OXR1: variants seen among roughly 807,000 people sequenced by gnomAD.
OXR1 encodes oxidation resistance protein 1.
In OXR1, 41 loss-of-function variants were observed where a neutral mutation model predicts 104.6. The observed-to-expected ratio is 0.39, with a 90% CI of 0.31 to 0.51. OXR1 has a LOEUF of 0.51. Among genes scored for constraint, OXR1 ranks in the 20% least tolerant of loss-of-function variants. OXR1 has a pLI of 0.77. For synonymous variants in OXR1, 348 were observed against 348.4 expected, an observed-to-expected ratio of 1.00 and a Z score of 0.01; for missense variants, 955 against 1,031.9, an observed-to-expected ratio of 0.93 and a Z score of 1.02.
intron 1 of OXR1, among the ~76,000 whole-genome samples, chr8:106,299,992 T>C (rs1813163080): frequency 1.3e-5 from 2 of 152,072 alleles, no homozygotes; most frequent in South Asian, 4.1e-4. Flanking sequence ...AGAAGTGGGG[T>C]GAAAGCCTTC....
intron 3 of OXR1, among the ~76,000 whole-genome samples, chr8:106,647,219 C>T (rs536749989): frequency 6.6e-6 from 1 of 152,224 alleles, no homozygotes; most frequent in Admixed American, 6.5e-5. Context: ...AAGAAAATTA[C>T]TTGGTTTTTA....
At chr8:106,341,731 C>G (rs767368467) in intron 1 of OXR1, among the ~76,000 whole-genome samples, 2 of 152,110 alleles carry the variant, frequency 1.3e-5, no homozygotes, top group African/African-American at 4.8e-5. Context: ...ATAAGTACCA[C>G]TGTTTCCCAT....
chr8:106,449,624 T>C (rs1820204116), intron 2 of OXR1, among the ~76,000 whole-genome samples: 1 of 152,080 alleles, frequency 6.6e-6, no homozygotes, highest in Non-Finnish European at 1.5e-5. Flanking sequence ...GATGGTAGAG[T>C]CCACAGAAGC....
At chr8:106,529,223 A>G (rs906079592) in intron 3 of OXR1, among the ~76,000 whole-genome samples, 4 of 152,326 alleles carry the variant, frequency 2.6e-5, no homozygotes, top group Middle Eastern at 3.4e-3. Context: ...GTGGATTAAT[A>G]AGACCATGGG....
chr8:106,517,933 A>T (rs1812967109), intron 2 of OXR1, among the ~76,000 whole-genome samples: 1 of 152,138 alleles, frequency 6.6e-6, no homozygotes. Flanking sequence ...AATAGAAGCT[A>T]ATTGTGGGTT....
At chr8:106,607,340 T>A (rs1028656522) in intron 3 of OXR1, among the ~76,000 whole-genome samples, 1 of 152,236 alleles carries the variant, frequency 6.6e-6, no homozygotes, top group Non-Finnish European at 1.5e-5. Context: ...TTGACATAAG[T>A]TATCCCTTCC....
At chr8:106,741,019 T>C (rs928885600) in intron 14 of OXR1, among the ~76,000 whole-genome samples, 1 of 152,148 alleles carries the variant, frequency 6.6e-6, no homozygotes, top group African/African-American at 2.4e-5. Flanking sequence ...ACTAACACTT[T>C]TAGTGTTTTA....
chr8:106,468,826 T>TCG lies in OXR1; in HGVS notation c.24-50116_24-50115dup, dbSNP rs1821328946. ...GAGAAAGTACATTTTAGGGATTACTTCGTCATGAGAGACAAAAATATATTG... is the reference window on the plus strand; with the variant it reads ...GAGAAAGTACATTTTAGGGATTACTTCGCGTCATGAGAGACAAAAATATATTG... On this transcript the variant is annotated intron_variant, in intron 2 of 16. Transcript: ENST00000517566. 2.0e-5 allele frequency among the ~76,000 whole-genome samples: 3 copies of TCG among 151,804 alleles called. No individual in the cohort carries two copies. The South Asian group carries it at 6.2e-4, about 31-fold the overall frequency.
At position 106,685,426 on chromosome 8, in the gene OXR1, C is replaced by T. The variant is rs887380562; in HGVS notation, c.525+1067C>T. On this transcript the variant is annotated intron_variant, in intron 6 of 16. Coordinates refer to ENST00000517566, the MANE Select transcript of OXR1 (RefSeq NM_001198533.2). The stretch of plus-strand genomic sequence containing the variant: ...TCTCTTCCTGTTCCTCGGCTTTAAC[C>T]TAAATCTGCCTGTCTACTGGCTTTC... 2.6e-5 allele frequency among the ~76,000 whole-genome samples: 4 copies of T among 152,136 alleles called. No homozygotes were observed. The East Asian group carries it at 5.8e-4, about 22-fold the overall frequency.
chr8:106,745,975 G>A, intron 16 of OXR1, 113 bp downstream of exon 16: 1 of 612,800 alleles, frequency 1.6e-6, no homozygotes, highest in Non-Finnish European at 2.9e-6. Context: ...ATTCAAATTT[G>A]TATATTATGA....
intron 2 of OXR1, among the ~76,000 whole-genome samples, chr8:106,477,164 A>G (rs1243079036): frequency 1.3e-5 from 2 of 151,996 alleles, no homozygotes; most frequent in Non-Finnish European, 2.9e-5. Context: ...ATTACACTTT[A>G]TATGGGTCCT....
At chr8:106,553,702 G>C (rs1364678376) in intron 3 of OXR1, among the ~76,000 whole-genome samples, 1 of 152,120 alleles carries the variant, frequency 6.6e-6, no homozygotes, top group East Asian at 1.9e-4. Context: ...AGAGCAAAAT[G>C]TGTATAATCT....
At chr8:106,601,556 C>T (rs1000267197) in intron 3 of OXR1, among the ~76,000 whole-genome samples, 7 of 152,100 alleles carry the variant, frequency 4.6e-5, no homozygotes, top group African/African-American at 1.7e-4. Flanking sequence ...CTAATATAAC[C>T]ATGATTTTAC....
intron 3 of OXR1, among the ~76,000 whole-genome samples, chr8:106,613,963 C>T (rs368580246): frequency 9.9e-5 from 15 of 152,148 alleles, no homozygotes; most frequent in African/African-American, 2.9e-4. Context: ...TGGCACTTCT[C>T]GGGGTGAAAG....
chr8:106,335,142 C>T lies in OXR1; in HGVS notation c.-138-24334C>T, dbSNP rs139426945. On this transcript the variant is annotated intron_variant, in intron 1 of 16. Transcript: ENST00000517566. ...TCTCTGTCCTTTCCATGTGTTGTTTCGTCTGCTGAAACACTTTTATTTTCT... is the reference window on the plus strand; with the variant it reads ...TCTCTGTCCTTTCCATGTGTTGTTTTGTCTGCTGAAACACTTTTATTTTCT... Among the ~76,000 whole-genome samples the T allele has an allele frequency of 9.9e-5, 15 of 152,126 alleles. No individual in the cohort carries two copies. The East Asian group carries it at 2.5e-3, about 25-fold the overall frequency.
chr8:106,534,985 C>T (rs997434745), intron 3 of OXR1, among the ~76,000 whole-genome samples: 6 of 151,848 alleles, frequency 4.0e-5, no homozygotes, highest in East Asian at 3.9e-4. Context: ...TTTTTTGAGA[C>T]GGAGTCTCGC....
chr8:106,708,274 C>T lies in OXR1; in HGVS notation c.1624+1129C>T, dbSNP rs534289204. On this transcript the variant is annotated intron_variant, in intron 9 of 16. Coordinates refer to ENST00000517566, the MANE Select transcript of OXR1 (RefSeq NM_001198533.2). ...CGTCAGACATGGTGATGGTGCACAC[C>T]TGTAGGCCCAACTACTCGGGAGACT... Among the ~76,000 whole-genome samples, 3 of 152,134 alleles carry T rather than the reference C, an allele frequency of 2.0e-5. No homozygotes were observed. The South Asian group carries it at 6.2e-4, about 32-fold the overall frequency.
Position 106,745,958 on chromosome 8 carries a change from C to G in OXR1, c.2486+96C>G, listed in dbSNP as rs369972114. ...TTCAGTTGTCTTTAGAAAGTGTTGA[C>G]GTTAGAATTCAAATTTGTATATTAT... On this transcript the variant is annotated intron_variant, in intron 16 of 16. Coordinates refer to ENST00000517566, the MANE Select transcript of OXR1 (RefSeq NM_001198533.2). 1.1e-5 allele frequency: 7 copies of G among 659,962 alleles called. No individual in the cohort carries two copies. In the African/African-American group the frequency reaches 1.3e-4, roughly 12 times the overall value. The allele number at this position is 659,962 out of a possible 1,614,324, so 40.9% of individuals were successfully genotyped here. A position where few individuals can be genotyped will look rare whatever the true frequency, so the allele number is the denominator to read the frequency against.
At chr8:106,609,639 A>G (rs1820662451) in intron 3 of OXR1, among the ~76,000 whole-genome samples, 3 of 152,312 alleles carry the variant, frequency 2.0e-5, no homozygotes, top group Admixed American at 2.0e-4. Flanking sequence ...TTAATTGTCA[A>G]AGTTAGAATG....
Sources: allele counts gnomAD v4.1 joint callset (sites outside exome capture counted in the v4.1 genomes callset), GRCh38; gene constraint gnomAD v4.1.1; transcripts MANE v1.5; gene names NCBI Gene and HGNC (gene_info 2026-07-23, HGNC 2026-07-21).